The following RCAN2 variants were observed in gnomAD, a reference collection of about 807,000 sequenced individuals.
RCAN2 encodes the protein calcipressin-2.
A neutral mutation model predicts 23.6 loss-of-function variants in RCAN2; 9 were observed. That is an observed-to-expected ratio of 0.38 (90% CI 0.23 to 0.67). The LOEUF (loss-of-function observed/expected upper bound fraction) is 0.67, where lower values mean the gene tolerates loss of function less well. Ranked by LOEUF, RCAN2 falls within the 30% of genes least tolerant of loss-of-function variation. The pLI, the probability that RCAN2 is intolerant of heterozygous loss-of-function variation, is 0.51. For missense variants in RCAN2, 273 were observed against 302.3 expected, an observed-to-expected ratio of 0.90 and a Z score of 0.72; for synonymous variants, 109 against 115.7, an observed-to-expected ratio of 0.94 and a Z score of 0.37.
Position 46,369,174 on chromosome 6 carries a change from C to T in RCAN2, c.225+87578G>A, listed in dbSNP as rs1765257078. ...TCATCAATATCACTGTCTTCCACCTCCACATCTCGTCCCACTGGAAGGTCT... is the reference window on the plus strand; with the variant it reads ...TCATCAATATCACTGTCTTCCACCTTCACATCTCGTCCCACTGGAAGGTCT... On this transcript the variant is annotated intron_variant, in intron 2 of 4. Coordinates refer to ENST00000371374, the MANE Select transcript of RCAN2 (RefSeq NM_001251974.2). 2.0e-5 allele frequency among the ~76,000 whole-genome samples: 3 copies of T among 152,194 alleles called. No individual in the cohort carries two copies. The South Asian group carries it at 6.2e-4, about 32-fold the overall frequency.
chr6:46,483,033 G>A (rs2150448094), intron 1 of RCAN2, among the ~76,000 whole-genome samples: 1 of 152,284 alleles, frequency 6.6e-6, no homozygotes, highest in African/African-American at 2.4e-5. Flanking sequence ...CTTCCTGGGA[G>A]CTGTCTGGTA....
intron 2 of RCAN2, chr6:46,325,291 G>T: frequency 7.7e-7 from 1 of 1,297,138 alleles, no homozygotes; most frequent in Non-Finnish European, 1.1e-6. Context: ...CAGACTATGA[G>T]CTGAAAACTA....
intron 2 of RCAN2, among the ~76,000 whole-genome samples, chr6:46,288,944 G>A (rs1229185709): frequency 6.6e-6 from 1 of 152,238 alleles, no homozygotes; most frequent in African/African-American, 2.4e-5. Context: ...GCTCGGGCTA[G>A]TTAATTTCCT....
intron 2 of RCAN2, among the ~76,000 whole-genome samples, chr6:46,261,481 CAGTA>C (rs1014153693): frequency 6.6e-6 from 1 of 152,074 alleles, no homozygotes; most frequent in African/African-American, 2.4e-5. Flanking sequence ...TTGCTGAGCA[CAGTA>C]AGTGTGTGTG....
At chr6:46,289,549 G>A (rs1290116577) in intron 2 of RCAN2, among the ~76,000 whole-genome samples, 1 of 152,156 alleles carries the variant, frequency 6.6e-6, no homozygotes, top group Non-Finnish European at 1.5e-5. Flanking sequence ...TGAGGACAAT[G>A]GGTATCACGC....
chr6:46,238,162 GA>G (rs1032878042), intron 4 of RCAN2, among the ~76,000 whole-genome samples: 1 of 152,076 alleles, frequency 6.6e-6, no homozygotes, highest in Non-Finnish European at 1.5e-5. Flanking sequence ...TAAAGGGAAG[GA>G]AAAAAAGTGT....
intron 2 of RCAN2, among the ~76,000 whole-genome samples, chr6:46,295,737 G>A (rs1762705374): frequency 6.6e-6 from 1 of 152,068 alleles, no homozygotes; most frequent in African/African-American, 2.4e-5. Flanking sequence ...TTGTTAGGAT[G>A]GAAGAAACCC....
intron 2 of RCAN2, among the ~76,000 whole-genome samples, chr6:46,298,634 C>T (rs1762798135): frequency 1.3e-5 from 2 of 151,930 alleles, no homozygotes; most frequent in South Asian, 2.1e-4. Flanking sequence ...AAAAATTACC[C>T]AACTTAAAAC....
At chr6:46,382,475 A>G (rs1272413747) in intron 2 of RCAN2, among the ~76,000 whole-genome samples, 3 of 152,204 alleles carry the variant, frequency 2.0e-5, no homozygotes, top group Non-Finnish European at 4.4e-5. Context: ...ATTCCCAGGA[A>G]AATGAAAACA....
intron 2 of RCAN2, among the ~76,000 whole-genome samples, chr6:46,288,333 G>T (rs1490586050): frequency 6.6e-6 from 1 of 152,170 alleles, no homozygotes; most frequent in Non-Finnish European, 1.5e-5. Context: ...CTCTCATGCG[G>T]GATCCTTCCC....
At chr6:46,376,787 T>C (rs1431720232) in intron 2 of RCAN2, among the ~76,000 whole-genome samples, 2 of 151,944 alleles carry the variant, frequency 1.3e-5, no homozygotes, top group African/African-American at 4.8e-5. Flanking sequence ...TGACCAGGTC[T>C]TATTTATCAG....
At chr6:46,323,293 A>T (rs1263064788) in intron 2 of RCAN2, among the ~76,000 whole-genome samples, 1 of 152,086 alleles carries the variant, frequency 6.6e-6, no homozygotes, top group Non-Finnish European at 1.5e-5. Context: ...TACATGTAAA[A>T]TTCTCTTGTC....
intron 4 of RCAN2, 86 bp from the exon 5 acceptor site, chr6:46,223,387 A>G: frequency 7.9e-7 from 1 of 1,267,578 alleles, no homozygotes; most frequent in Non-Finnish European, 1.1e-6. Context: ...AAATGACAGG[A>G]GCATTTTCCA....
At chr6:46,444,419 C>T (rs1404290080) in intron 2 of RCAN2, among the ~76,000 whole-genome samples, 1 of 152,178 alleles carries the variant, frequency 6.6e-6, no homozygotes, top group African/African-American at 2.4e-5. Flanking sequence ...ATACACAATG[C>T]TCATCCTAGC....
At chr6:46,443,540 T>G (rs9357508) in intron 2 of RCAN2, among the ~76,000 whole-genome samples, 56,929 of 151,794 alleles carry the variant, frequency 0.38, 12,970 homozygotes, top group East Asian at 0.59. Flanking sequence ...CCCATCTCCC[T>G]TTTCTTCTCC....
At chr6:46,275,847 A>G (rs1767678486) in intron 2 of RCAN2, among the ~76,000 whole-genome samples, 1 of 152,224 alleles carries the variant, frequency 6.6e-6, no homozygotes, top group Non-Finnish European at 1.5e-5. Context: ...CACAAATGCA[A>G]CAACAGTAAA....
intron 2 of RCAN2, among the ~76,000 whole-genome samples, chr6:46,352,153 A>C (rs998182420): frequency 2.0e-5 from 3 of 152,178 alleles, no homozygotes; most frequent in African/African-American, 7.2e-5. Context: ...GATGTCTGAA[A>C]TCATGATAAT....
At chr6:46,317,808 A>G (rs1326179513) in intron 2 of RCAN2, among the ~76,000 whole-genome samples, 4 of 152,202 alleles carry the variant, frequency 2.6e-5, no homozygotes, top group Non-Finnish European at 5.9e-5. Context: ...TAATCCTTAG[A>G]GAGATTTCGA....
chr6:46,271,176 A>G (rs1767512395), intron 2 of RCAN2, among the ~76,000 whole-genome samples: 1 of 152,158 alleles, frequency 6.6e-6, no homozygotes, highest in Non-Finnish European at 1.5e-5. Context: ...CCATCCATCT[A>G]TTTAATGAGA....
Sources: gnomAD v4.1 joint callset for allele counts (sites outside exome capture counted in the v4.1 genomes callset) on GRCh38, gnomAD v4.1.1 for gene constraint, MANE v1.5 for transcripts, NCBI Gene and HGNC (gene_info 2026-07-23, HGNC 2026-07-21) for gene names.